The following CTNNA3 variants were observed in gnomAD, a reference collection of about 807,000 sequenced individuals.
CTNNA3 encodes catenin alpha-3.
In CTNNA3, 76 loss-of-function variants were observed where a neutral mutation model predicts 95.7. The ratio of observed to expected loss-of-function variants is 0.79; its 90% CI spans 0.66 to 0.96. The LOEUF is 0.96. Ranked by LOEUF, CTNNA3 falls within the 40% of genes least tolerant of loss-of-function variation. CTNNA3 has a pLI of 0.00. For synonymous variants in CTNNA3, 431 were observed against 374.4 expected, an observed-to-expected ratio of 1.15 and a Z score of -1.74; for missense variants, 1,191 against 1,089.8, an observed-to-expected ratio of 1.09 and a Z score of -1.31.
At chr10:66,929,948 G>A (rs1351942241) in intron 7 of CTNNA3, among the ~76,000 whole-genome samples, 2 of 152,158 alleles carry the variant, frequency 1.3e-5, no homozygotes, top group Non-Finnish European at 2.9e-5. Flanking sequence ...CATTGAGGCT[G>A]TTTCATTTAA....
At chr10:67,372,698 A>C (rs1170064789) in intron 5 of CTNNA3, among the ~76,000 whole-genome samples, 1 of 152,124 alleles carries the variant, frequency 6.6e-6, no homozygotes, top group African/African-American at 2.4e-5. Context: ...GTTGAAATGA[A>C]GGAAAAAATG....
intron 11 of CTNNA3, among the ~76,000 whole-genome samples, chr10:66,439,284 T>C (rs1226116173): frequency 6.6e-6 from 1 of 152,200 alleles, no homozygotes; most frequent in African/African-American, 2.4e-5. Context: ...AATGAGATTA[T>C]AAATTTATAT....
chr10:67,559,637 G>A (rs112849958), intron 3 of CTNNA3, among the ~76,000 whole-genome samples: 1,991 of 152,268 alleles, frequency 0.013, 45 homozygotes, highest in African/African-American at 0.046. Context: ...GAAGCTGGAC[G>A]GAGAATGACT....
chr10:67,714,975 C>A (rs1046736845), intron 1 of CTNNA3, among the ~76,000 whole-genome samples: 4 of 152,180 alleles, frequency 2.6e-5, no homozygotes, highest in Non-Finnish European at 5.9e-5. Flanking sequence ...GTACAATAAA[C>A]CTTTCTTTTG....
chr10:67,105,258 T>TAGATAGATAGAC (rs1328114679), intron 7 of CTNNA3, among the ~76,000 whole-genome samples: 2 of 152,044 alleles, frequency 1.3e-5, no homozygotes, highest in African/African-American at 2.4e-5. Flanking sequence ...GATAGATAGA[T>TAGATAGATAGAC]AGAATTAATT....
At chr10:67,614,421 C>G (rs1391793817) in intron 2 of CTNNA3, among the ~76,000 whole-genome samples, 1 of 152,068 alleles carries the variant, frequency 6.6e-6, no homozygotes, top group Admixed American at 6.5e-5. Context: ...TCAGTGGGAG[C>G]CTTGAGCTTG....
chr10:67,469,256 G>A lies in CTNNA3; in HGVS notation c.579+52586C>T, dbSNP rs74142813. Among the ~76,000 whole-genome samples the A allele has an allele frequency of 2.3e-3, 345 of 152,134 alleles. 1 individual carries two copies. The highest frequency in any genetic ancestry group is 7.9e-3 in the African/African-American group (328 of 41,518). ...CATTCTGATTTCCTGATTTTTCTCC[G>A]TACTTTCAAAGTCCTAACACCCTTA... is the stretch of plus-strand genomic sequence containing the variant. On this transcript the variant is annotated intron_variant, in intron 5 of 17. Coordinates refer to ENST00000433211, the MANE Select transcript of CTNNA3 (RefSeq NM_013266.4).
chr10:66,886,799 G>A, intron 7 of CTNNA3, among the ~76,000 whole-genome samples: 1 of 152,088 alleles, frequency 6.6e-6, no homozygotes, highest in Non-Finnish European at 1.5e-5. Flanking sequence ...GTCAGAACAT[G>A]TCCTGAGATA....
chr10:67,761,837 C>T (rs1326151958), intron 1 of CTNNA3, among the ~76,000 whole-genome samples: 3 of 150,382 alleles, frequency 2.0e-5, no homozygotes, highest in Non-Finnish European at 2.9e-5. Context: ...GAGATCGCAC[C>T]ACTGCACTCT....
chr10:66,591,092 A>C (rs894831615), intron 10 of CTNNA3, among the ~76,000 whole-genome samples: 2 of 152,132 alleles, frequency 1.3e-5, no homozygotes, highest in African/African-American at 4.8e-5. Context: ...TGTGATTTCT[A>C]TTGAAGCGGG....
rs148548480 is a variant in CTNNA3 at position 66,508,040 on chromosome 10, T to C, written c.1531+12577A>G. Reference sequence around the variant, plus strand: ...TTTTTTTAAATCATTTCCTTTCATTTAGATTCTGTGGAAGAGTTTCTTGGG... The same window carrying C: ...TTTTTTTAAATCATTTCCTTTCATTCAGATTCTGTGGAAGAGTTTCTTGGG... On this transcript the variant is annotated intron_variant, in intron 11 of 17. Transcript: ENST00000433211. Among the ~76,000 whole-genome samples, 371 of 152,222 alleles carry C rather than the reference T, an allele frequency of 2.4e-3. 2 individuals carry two copies. Among genetic ancestry groups the C allele is most frequent in the African/African-American group, 8.6e-3 (356 of 41,554 alleles).
chr10:67,094,878 C>T (rs1194580803), intron 7 of CTNNA3, among the ~76,000 whole-genome samples: 1 of 151,446 alleles, frequency 6.6e-6, no homozygotes, highest in Non-Finnish European at 1.5e-5. Context: ...GGTATGTATA[C>T]TATATTTACA....
intron 12 of CTNNA3, among the ~76,000 whole-genome samples, chr10:66,344,763 G>T (rs1166859234): frequency 1.3e-5 from 2 of 151,978 alleles, no homozygotes; most frequent in Non-Finnish European, 2.9e-5. Flanking sequence ...ACTGACCAAT[G>T]GTACTGGCAA....
chr10:67,425,071 T>C (rs531461553), intron 5 of CTNNA3, among the ~76,000 whole-genome samples: 37 of 152,138 alleles, frequency 2.4e-4, no homozygotes, highest in Non-Finnish European at 4.0e-4. Flanking sequence ...CCCTAAATGT[T>C]AAATTGAAAT....
chr10:66,023,928 G>A (rs962779465), intron 15 of CTNNA3, among the ~76,000 whole-genome samples: 2 of 151,966 alleles, frequency 1.3e-5, no homozygotes, highest in Admixed American at 6.6e-5. Flanking sequence ...CTCGTTCTAC[G>A]ATATTTTAAC....
intron 5 of CTNNA3, among the ~76,000 whole-genome samples, chr10:67,442,786 A>G (rs1846573285): frequency 6.6e-6 from 1 of 151,746 alleles, no homozygotes; most frequent in African/African-American, 2.4e-5. Context: ...TTAACACCCT[A>G]CTTTCTTTTT....
chr10:67,672,907 G>T (rs1354545150), intron 1 of CTNNA3, among the ~76,000 whole-genome samples: 1 of 152,072 alleles, frequency 6.6e-6, no homozygotes, highest in African/African-American at 2.4e-5. Flanking sequence ...AAAGTCATTG[G>T]TAGCTTGATG....
At chr10:67,298,948 G>A (rs763780468) in intron 5 of CTNNA3, among the ~76,000 whole-genome samples, 3 of 151,662 alleles carry the variant, frequency 2.0e-5, no homozygotes, top group Non-Finnish European at 4.4e-5. Flanking sequence ...TTTAGACGAA[G>A]TCTTGCTCTG....
intron 4 of CTNNA3, among the ~76,000 whole-genome samples, chr10:67,523,701 A>G (rs1163807522): frequency 6.6e-6 from 1 of 152,156 alleles, no homozygotes; most frequent in Non-Finnish European, 1.5e-5. Context: ...GTGGAAACCA[A>G]TTCTACCCAA....
Sources: allele counts gnomAD v4.1 joint callset (sites outside exome capture counted in the v4.1 genomes callset), GRCh38; gene constraint gnomAD v4.1.1; transcripts MANE v1.5; gene names NCBI Gene and HGNC (gene_info 2026-07-23, HGNC 2026-07-21).